Variants in CUBN observed in about 807,000 individuals in gnomAD.
CUBN encodes cubilin, also known as 460 kDa receptor.
In CUBN, 282 loss-of-function variants were observed where a neutral mutation model predicts 405.3. That is an observed-to-expected ratio of 0.70 (90% CI 0.63 to 0.77). The LOEUF (loss-of-function observed/expected upper bound fraction) is 0.77. Ranked by LOEUF, CUBN falls within the 30% of genes least tolerant of loss-of-function variation. The pLI, the probability that CUBN is intolerant of heterozygous loss-of-function variation, is 0.00. For synonymous variants in CUBN, 1,684 were observed against 1,617.0 expected, an observed-to-expected ratio of 1.04 and a Z score of -0.99; for missense variants, 4,514 against 4,475.2, an observed-to-expected ratio of 1.01 and a Z score of -0.25.
At chr10:16,967,478 T>G (rs1843424475) in intron 31 of CUBN, among the ~76,000 whole-genome samples, 1 of 152,206 alleles carries the variant, frequency 6.6e-6, no homozygotes, top group South Asian at 2.1e-4. Flanking sequence ...AACTCAACTC[T>G]TCCTTCATCT....
At chr10:17,120,214 A>G (rs1837005056) in intron 6 of CUBN, among the ~76,000 whole-genome samples, 1 of 152,224 alleles carries the variant, frequency 6.6e-6, no homozygotes, top group Non-Finnish European at 1.5e-5. Flanking sequence ...AAAGTATCTA[A>G]ATGTTCACTT....
intron 50 of CUBN, among the ~76,000 whole-genome samples, chr10:16,905,626 A>T (rs1182077343): frequency 6.6e-6 from 1 of 152,198 alleles, no homozygotes; most frequent in African/African-American, 2.4e-5. Flanking sequence ...CAAAAGTCAC[A>T]TGCCGGGAAA....
In CUBN at chr10:16,915,125, C is replaced by T. The variant is rs746769884; in HGVS notation, c.7258G>A (p.Asp2420Asn). The T allele has an allele frequency of 6.2e-7, 1 of 1,613,906 alleles. No homozygotes were observed. Among genetic ancestry groups the T allele is most frequent in the African/African-American group, 1.3e-5 (1 of 74,922 alleles). The change falls in exon 47 of 67, where the codon GAC (aspartate) becomes AAC (asparagine). Residue 2420 changes from aspartate to asparagine, a missense_variant. Coordinates refer to ENST00000377833, the MANE Select transcript of CUBN (RefSeq NM_001081.4). ...YCGNTIPDSI[D>N]TSSNTAVVRF... ...ACCACAGCAGTATTGCTAGAAGTGT[C>T]TATGCTGTCAGGAATGGTGTTTCCA... is the stretch of plus-strand genomic sequence containing the variant.
chr10:17,109,849 A>G, intron 9 of CUBN, 114 bp from the exon 10 acceptor site: 1 of 773,348 alleles, frequency 1.3e-6, no homozygotes, highest in Non-Finnish European at 2.3e-6. Flanking sequence ...TCTATCATCG[A>G]AACAAAAAAT....
At chr10:17,054,534 G>C in intron 22 of CUBN, among the ~76,000 whole-genome samples, 1 of 151,640 alleles carries the variant, frequency 6.6e-6, no homozygotes, top group African/African-American at 2.4e-5. Context: ...GTCAAAAATT[G>C]GTTCTTTGAG....
intron 40 of CUBN, among the ~76,000 whole-genome samples, chr10:16,929,597 CAG>C (rs1564429554): frequency 6.6e-6 from 1 of 152,086 alleles, no homozygotes; most frequent in African/African-American, 2.4e-5. Context: ...AATGTAATGG[CAG>C]AGTTATAAAT....
chr10:16,964,498 A>G (rs1222124959), intron 31 of CUBN, among the ~76,000 whole-genome samples: 1 of 152,168 alleles, frequency 6.6e-6, no homozygotes. Context: ...TGTGTTTGTG[A>G]GGGAAATAAA....
At chr10:16,852,905 T>A (rs949712368) in intron 59 of CUBN, among the ~76,000 whole-genome samples, 1 of 152,184 alleles carries the variant, frequency 6.6e-6, no homozygotes, top group Non-Finnish European at 1.5e-5. Flanking sequence ...GCAGTCCAGT[T>A]TATATTCAGC....
At chr10:17,070,848 T>G (rs573951577) in intron 19 of CUBN, among the ~76,000 whole-genome samples, 1 of 152,290 alleles carries the variant, frequency 6.6e-6, no homozygotes, top group South Asian at 2.1e-4. Context: ...CTGGATGCAT[T>G]TTATCTCTTC....
chr10:16,990,954 G>A lies in CUBN; in HGVS notation c.4169-439C>T, dbSNP rs186037089. Among the ~76,000 whole-genome samples, 16 of 152,170 alleles carry A rather than the reference G, an allele frequency of 1.1e-4. No individual in the cohort carries two copies. The East Asian group carries it at 1.2e-3, about 11-fold the overall frequency. ...AGCTAATACATTATTCTGCAGTCCC[G>A]TGCAGATCTAAGAACTAGAATTTTA... On this transcript the variant is annotated intron_variant, in intron 28 of 66. Transcript: ENST00000377833.
At chr10:17,123,354 C>T (rs1349807175) in intron 5 of CUBN, 1 of 583,782 alleles carries the variant, frequency 1.7e-6, no homozygotes, top group African/African-American at 1.9e-5. Context: ...TGTGTTCTTC[C>T]AGGCAGTTAT....
intron 10 of CUBN, among the ~76,000 whole-genome samples, chr10:17,108,636 T>C (rs4748355): frequency 2.6e-5 from 4 of 151,732 alleles, no homozygotes; most frequent in Non-Finnish European, 4.4e-5. Flanking sequence ...CATAGAAGTA[T>C]AAAAGAACAT....
chr10:16,903,502 A>T (rs7100290), intron 51 of CUBN, among the ~76,000 whole-genome samples: 7,646 of 151,964 alleles, frequency 0.05, 284 homozygotes, highest in Non-Finnish European at 0.078. Flanking sequence ...TTACACAGAA[A>T]GATCAAAGAG....
At chr10:16,991,094 C>T (rs1215041494) in intron 28 of CUBN, among the ~76,000 whole-genome samples, 2 of 152,112 alleles carry the variant, frequency 1.3e-5, no homozygotes, top group Non-Finnish European at 1.5e-5. Flanking sequence ...ATAGAAAAAT[C>T]CAACCAAGGA....
intron 47 of CUBN, 65 bp from the exon 48 acceptor site, chr10:16,914,057 G>A (rs1841811749): frequency 1.3e-6 from 2 of 1,557,042 alleles, no homozygotes; most frequent in East Asian, 2.2e-5. Context: ...CATCAAGAAA[G>A]CTCTCAAAAT....
At chr10:17,045,255 G>T (rs1017058526) in intron 24 of CUBN, 67 bp from the exon 25 acceptor site, 86 of 1,456,350 alleles carry the variant, frequency 5.9e-5, no homozygotes, top group Non-Finnish European at 7.8e-5. Context: ...CTTTTTGTCT[G>T]CATTAAACTG....
chr10:16,988,023 T>C (rs372734520), intron 29 of CUBN, among the ~76,000 whole-genome samples: 150 of 152,296 alleles, frequency 9.8e-4, no homozygotes, highest in African/African-American at 3.4e-3. Context: ...CTGTCAGGCA[T>C]AGGGCTCTCC....
intron 19 of CUBN, among the ~76,000 whole-genome samples, chr10:17,070,932 C>A (rs1204671773): frequency 6.6e-6 from 1 of 152,128 alleles, no homozygotes; most frequent in Non-Finnish European, 1.5e-5. Context: ...ACGTTCTTGT[C>A]TTTTTGTGAC....
At chr10:16,976,803 C>T (rs1345559189) in intron 31 of CUBN, among the ~76,000 whole-genome samples, 1 of 152,206 alleles carries the variant, frequency 6.6e-6, no homozygotes, top group South Asian at 2.1e-4. Context: ...TTCACTGTTT[C>T]TCTGTAGTCA....
Sources: allele counts gnomAD v4.1 joint callset (sites outside exome capture counted in the v4.1 genomes callset), GRCh38; gene constraint gnomAD v4.1.1; transcripts MANE v1.5; gene names NCBI Gene and HGNC (gene_info 2026-07-23, HGNC 2026-07-21).